POLR3G: variants seen among roughly 807,000 people sequenced by gnomAD.
POLR3G encodes the protein DNA-directed RNA polymerase III subunit RPC7.
A neutral mutation model predicts 30.1 loss-of-function variants in POLR3G; 28 were observed. The observed-to-expected ratio is 0.93, with a 90% CI of 0.69 to 1.27. The LOEUF is 1.27. POLR3G is among the 50% of genes most tolerant of loss of function. The pLI is 0.00. For synonymous variants in POLR3G, 79 were observed against 82.5 expected, an observed-to-expected ratio of 0.96 and a Z score of 0.23; for missense variants, 254 against 264.6, an observed-to-expected ratio of 0.96 and a Z score of 0.28.
chr5:90,481,629 G>A (rs1347725836), intron 1 of POLR3G, among the ~76,000 whole-genome samples: 1 of 152,004 alleles, frequency 6.6e-6, no homozygotes, highest in Non-Finnish European at 1.5e-5. Context: ...AAGAAGCATT[G>A]TATAGGGCAC....
At chr5:90,499,180 A>G (rs1388616398) in intron 5 of POLR3G, among the ~76,000 whole-genome samples, 1 of 152,204 alleles carries the variant, frequency 6.6e-6, no homozygotes, top group Non-Finnish European at 1.5e-5. Flanking sequence ...ACCAAGAGAA[A>G]GGATGAGATG....
At chr5:90,490,759 A>G (rs1445432132) in intron 3 of POLR3G, 1 of 255,996 alleles carries the variant, frequency 3.9e-6, no homozygotes, top group Non-Finnish European at 7.9e-6. Context: ...TGTTAAAAAT[A>G]AAGGTTTTTC....
intron 3 of POLR3G, among the ~76,000 whole-genome samples, chr5:90,493,495 G>T (rs1354426911): frequency 6.6e-6 from 1 of 151,856 alleles, no homozygotes; most frequent in Non-Finnish European, 1.5e-5. Context: ...GGATCCAGCT[G>T]CCTTGGCCTC....
At chr5:90,481,804 T>TGATG (rs1365712300) in intron 1 of POLR3G, among the ~76,000 whole-genome samples, 1 of 152,220 alleles carries the variant, frequency 6.6e-6, no homozygotes, top group East Asian at 1.9e-4. Flanking sequence ...CTATATAAGA[T>TGATG]GATGGTATAG....
upstream of POLR3G, chr5:90,474,805 C>T (rs1299826463): frequency 1.7e-5 from 3 of 177,588 alleles, no homozygotes; most frequent in South Asian, 1.2e-4. Flanking sequence ...GCAAAAAAAC[C>T]TCTTTGCCGA....
At chr5:90,498,949 A>G (rs1184643837) in intron 5 of POLR3G, among the ~76,000 whole-genome samples, 1 of 152,164 alleles carries the variant, frequency 6.6e-6, no homozygotes, top group Non-Finnish European at 1.5e-5. Context: ...ATGGAATTGG[A>G]GTTGAGATTG....
At chr5:90,477,906 C>G (rs1215863982) in intron 1 of POLR3G, among the ~76,000 whole-genome samples, 1 of 152,192 alleles carries the variant, frequency 6.6e-6, no homozygotes, top group Non-Finnish European at 1.5e-5. Flanking sequence ...CATTTAGTTA[C>G]TTGGTGTACA....
chr5:90,504,773 ACATAC>A (rs2151913710), intron 6 of POLR3G, among the ~76,000 whole-genome samples: 1 of 152,318 alleles, frequency 6.6e-6, no homozygotes, highest in East Asian at 1.9e-4. Flanking sequence ...TATAATATTA[ACATAC>A]CATCAAATAT....
chr5:90,490,624 G>A, intron 3 of POLR3G: 1 of 392,070 alleles, frequency 2.6e-6, no homozygotes, highest in Non-Finnish European at 5.1e-6. Flanking sequence ...GCTCACACTG[G>A]TCTCACATTC....
At chr5:90,502,035 G>T (rs370400174) in intron 6 of POLR3G, 47 bp downstream of exon 6, 12 of 1,586,994 alleles carry the variant, frequency 7.6e-6, no homozygotes, top group East Asian at 2.3e-5. Context: ...AAATGTAAAA[G>T]ATCCTACCTC....
intron 7 of POLR3G, among the ~76,000 whole-genome samples, chr5:90,506,955 A>G (rs1752517861): frequency 6.6e-6 from 1 of 152,252 alleles, no homozygotes; most frequent in Non-Finnish European, 1.5e-5. Flanking sequence ...GATTGATCAG[A>G]TTAGTGCAGT....
chr5:90,497,049 G>A (rs978517466), intron 4 of POLR3G, among the ~76,000 whole-genome samples: 1 of 151,998 alleles, frequency 6.6e-6, no homozygotes, highest in African/African-American at 2.4e-5. Context: ...CAACTTTTAT[G>A]TTGCTTCCAT....
chr5:90,478,365 A>G (rs1383081806), intron 1 of POLR3G, among the ~76,000 whole-genome samples: 2 of 152,032 alleles, frequency 1.3e-5, no homozygotes, highest in Non-Finnish European at 2.9e-5. Context: ...CACTTCATTG[A>G]ATAAAGACCT....
intron 4 of POLR3G, among the ~76,000 whole-genome samples, chr5:90,496,400 G>C (rs973215607): frequency 6.6e-6 from 1 of 152,182 alleles, no homozygotes; most frequent in African/African-American, 2.4e-5. Flanking sequence ...AGCAATTTTA[G>C]AGCATTTGAA....
intron 4 of POLR3G, 72 bp downstream of exon 4, chr5:90,495,805 A>C: frequency 6.8e-7 from 1 of 1,472,824 alleles, no homozygotes; most frequent in Non-Finnish European, 9.0e-7. Flanking sequence ...TTTTTTTTAG[A>C]ATAAGTTTTC....
At chr5:90,496,259 C>A (rs997337029) in intron 4 of POLR3G, among the ~76,000 whole-genome samples, 4 of 152,138 alleles carry the variant, frequency 2.6e-5, no homozygotes, top group Non-Finnish European at 2.9e-5. Context: ...TGAGCCAACA[C>A]CCCCCACCCT....
At chr5:90,476,776 A>G (rs995204001) in intron 1 of POLR3G, among the ~76,000 whole-genome samples, 5 of 152,168 alleles carry the variant, frequency 3.3e-5, no homozygotes, top group Admixed American at 6.5e-5. Context: ...TTAATTCTCT[A>G]CATGGCTCTT....
At chr5:90,474,574 G>A (rs1467880994), upstream of POLR3G, 1 of 470,650 alleles carries the variant, frequency 2.1e-6, no homozygotes. Context: ...AGCCTCGGCA[G>A]CCGCACCACG....
At chr5:90,482,616 C>T (rs1207051591) in intron 1 of POLR3G, among the ~76,000 whole-genome samples, 1 of 152,174 alleles carries the variant, frequency 6.6e-6, no homozygotes, top group East Asian at 1.9e-4. Flanking sequence ...GATTCTGACC[C>T]TCCCTAAACC....
Sources: allele counts gnomAD v4.1 joint callset (sites outside exome capture counted in the v4.1 genomes callset), GRCh38; gene constraint gnomAD v4.1.1; transcripts MANE v1.5; gene names NCBI Gene and HGNC (gene_info 2026-07-23, HGNC 2026-07-21).